Variants in CHRND observed in about 807,000 individuals in gnomAD.
CHRND encodes the protein acetylcholine receptor subunit delta.
Under a neutral mutation model 57.8 loss-of-function variants are expected in CHRND, and 40 were observed. The ratio of observed to expected loss-of-function variants is 0.69; its 90% CI spans 0.54 to 0.90. CHRND has a LOEUF of 0.90. Ranked by LOEUF, CHRND falls within the 40% of genes least tolerant of loss-of-function variation. The pLI, the probability that CHRND is intolerant of heterozygous loss-of-function variation, is 0.00. For missense variants in CHRND, 634 were observed against 673.9 expected (o/e 0.94, Z 0.66); for synonymous variants, 237 against 270.6 (o/e 0.88, Z 1.22).
At chr2:232,528,771 T>A in intron 5 of CHRND, 91 bp from the exon 6 acceptor site, 1 of 1,578,868 alleles carries the variant, frequency 6.3e-7, no homozygotes, top group Non-Finnish European at 8.7e-7. Flanking sequence ...AGTGCTGCCC[T>A]CCCCACAATG....
At position 232,535,169 on chromosome 2, in the gene CHRND, C is replaced by T. The variant is rs533115724; in HGVS notation, c.1411C>T (p.Arg471Cys). The change falls in exon 12 of 12, where the codon CGC (arginine) becomes TGC (cysteine). Residue 471 changes from arginine to cysteine, a missense_variant. Transcript: ENST00000258385. ...GAACCGAGTGGCCCGCACAGTGGACCGCCTCTGCCTGTTTGTGGTGACGCC... is the reference window on the plus strand; with the variant it reads ...GAACCGAGTGGCCCGCACAGTGGACTGCCTCTGCCTGTTTGTGGTGACGCC... Reference protein sequence around the residue: ...SWNRVARTVDRLCLFVVTPVM... With the variant: ...SWNRVARTVDCLCLFVVTPVM... 9.9e-5 allele frequency: 160 copies of T among 1,614,178 alleles called. 1 individual carries two copies. The South Asian group carries it at 1.2e-3, about 12-fold the overall frequency.
At chr2:232,534,879 A>C (rs543272051) in intron 11 of CHRND, among the ~76,000 whole-genome samples, 21 of 152,322 alleles carry the variant, frequency 1.4e-4, no homozygotes, top group African/African-American at 5.1e-4. Flanking sequence ...CTCTAGCCCC[A>C]GAGCCCTGTG....
intron 2 of CHRND, 47 bp downstream of exon 2, chr2:232,526,721 T>C: frequency 6.2e-7 from 1 of 1,601,382 alleles, no homozygotes; most frequent in Non-Finnish European, 8.5e-7. Flanking sequence ...CAGGGATGGC[T>C]TTCCAGTACC....
chr2:232,534,232 C>A lies in CHRND; in HGVS notation c.1261C>A (p.Pro421Thr), dbSNP rs1016592553. 6.2e-7 allele frequency: 1 copy of A among 1,614,072 alleles called. No individual in the cohort carries two copies. The highest frequency in any genetic ancestry group is 1.3e-5 in the African/African-American group (1 of 74,934). ...ARRLTTARRP[P>T]ASSEQAQQEL... ...TGGCCCCTCGTCTGTAGGCCGGCCCCCAGCAAGCTCTGAGCAGGCCCAGCA... is the reference window on the plus strand; with the variant it reads ...TGGCCCCTCGTCTGTAGGCCGGCCCACAGCAAGCTCTGAGCAGGCCCAGCA... The change falls in exon 11 of 12, where the codon CCA becomes ACA. Residue 421 changes from proline to threonine, a missense_variant. Coordinates refer to ENST00000258385, the MANE Select transcript of CHRND (RefSeq NM_000751.3).
rs778576881 is a variant in CHRND, at chr2:232,526,588, T to C, written c.112T>C (p.Tyr38His). ...LIRHLFQEKGYNKELRPVAHK... is the reference protein window; with the variant it reads ...LIRHLFQEKGHNKELRPVAHK... ...CCGGCACCTGTTTCAAGAGAAGGGCTACAACAAGGAGCTCCGGCCCGTGGC... is the reference window on the plus strand; with the variant it reads ...CCGGCACCTGTTTCAAGAGAAGGGCCACAACAAGGAGCTCCGGCCCGTGGC... Residue 38 changes from tyrosine (Y) to histidine (H), a missense_variant, in exon 2 of 12, where the codon TAC becomes CAC. By Grantham distance (83) the Tyr-to-His change is moderately conservative (BLOSUM62 2). Transcript: ENST00000258385. 1 of 1,613,784 alleles carries C rather than the reference T, an allele frequency of 6.2e-7. No individual in the cohort carries two copies. Among genetic ancestry groups the C allele is most frequent in the South Asian group, 1.1e-5 (1 of 91,080 alleles).
At chr2:232,533,494 A>C (rs1006584820) in intron 9 of CHRND, among the ~76,000 whole-genome samples, 1 of 152,180 alleles carries the variant, frequency 6.6e-6, no homozygotes, top group Non-Finnish European at 1.5e-5. Context: ...GAGATCGGGG[A>C]ATCAATGACA....
intron 7 of CHRND, 74 bp downstream of exon 7, chr2:232,530,213 C>G (rs1691637262): frequency 6.7e-7 from 1 of 1,498,938 alleles, no homozygotes. Flanking sequence ...AGCCCTGCCC[C>G]CTCACTTCCT....
intron 6 of CHRND, 127 bp from the exon 7 acceptor site, chr2:232,529,812 G>T: frequency 1.1e-6 from 1 of 924,330 alleles, no homozygotes; most frequent in South Asian, 1.6e-5. Context: ...CCACCAACGG[G>T]ACCCCGTAGA....
Position 232,535,630 on chromosome 2 carries a change from G to C in CHRND, c.*318G>C, listed in dbSNP as rs1289285547. 2 of 549,652 alleles carry C rather than the reference G, an allele frequency of 3.6e-6. No individual in the cohort carries two copies. The highest frequency in any genetic ancestry group is 6.9e-6 in the Non-Finnish European group (2 of 289,506). 34.0% of individuals were successfully genotyped at this position (549,652 alleles called of 1,614,324 possible). A position where few individuals can be genotyped will look rare whatever the true frequency, so the allele number is the denominator to read the frequency against. On this transcript the variant is annotated 3_prime_UTR_variant, in exon 12 of 12. Transcript: ENST00000258385. ...GGAGAGCTCTGATAGGGGTGAGACA[G>C]ATAGGGCCCCTTCTCTGCTTCTCCT...
Position 232,528,567 on chromosome 2 carries a change from C to T in CHRND, c.420C>T (p.Tyr140=), listed in dbSNP as rs1691568986. The change falls in exon 5 of 12, where the codon TAC becomes TAT. Residue 140 remains tyrosine (Y), a synonymous_variant. Coordinates refer to ENST00000258385, the MANE Select transcript of CHRND (RefSeq NM_000751.3). ...TTGTCTACCACTACGGCTTCGTGTACTGGCTGCCACCTGCCATCTTCCGCT... is the reference window on the plus strand; with the variant it reads ...TTGTCTACCACTACGGCTTCGTGTATTGGCTGCCACCTGCCATCTTCCGCT... ...NVLVYHYGFV[Y]WLPPAIFRSS... is the part of the protein sequence containing the mutation. 2 of 1,614,046 alleles carry T rather than the reference C, an allele frequency of 1.2e-6. No individual in the cohort carries two copies. The highest frequency in any genetic ancestry group is 1.7e-6 in the Non-Finnish European group (2 of 1,180,040).
At chr2:232,533,868 T>TC in intron 9 of CHRND, 63 bp from the exon 10 acceptor site, 1 of 1,517,094 alleles carries the variant, frequency 6.6e-7, no homozygotes, top group Non-Finnish European at 9.1e-7. Context: ...AGAATGAGAC[T>TC]CCGTCTCAAA....
chr2:232,526,510 T>G lies in CHRND; in HGVS notation c.53-19T>G. On this transcript the variant is annotated intron_variant, in intron 1 of 11. Transcript: ENST00000258385. ...CCTGCCCAGGGCCCCATTCAGTCCTTGTCGCTGACCCTCCCCAGGCAGCTG... is the reference window on the plus strand; with the variant it reads ...CCTGCCCAGGGCCCCATTCAGTCCTGGTCGCTGACCCTCCCCAGGCAGCTG... The G allele has an allele frequency of 6.2e-7, 1 of 1,613,416 alleles. No individual in the cohort carries two copies.
In CHRND at chr2:232,533,925, C is replaced by T. The variant is rs372755640; in HGVS notation, c.1048-6C>T. The T allele has an allele frequency of 6.2e-7, 1 of 1,611,894 alleles. No homozygotes were observed. The highest frequency in any genetic ancestry group is 2.0e-4 in the Middle Eastern group (1 of 4,982). On this transcript the variant is annotated splice_polypyrimidine_tract_variant and splice_region_variant and intron_variant, in intron 9 of 11. Transcript: ENST00000258385. ...CCTTTCTTGTGGCCCCTTGACATGG[C>T]CCCAGCTCTTCCTGGAGACCCTGCC...
chr2:232,532,919 G>C (rs1028872685), intron 9 of CHRND, among the ~76,000 whole-genome samples: 34 of 152,330 alleles, frequency 2.2e-4, no homozygotes, highest in African/African-American at 6.3e-4. Context: ...GAAGGAAGAA[G>C]GGGAGGACTG....
intron 2 of CHRND, 23 bp downstream of exon 2, chr2:232,526,697 G>T: frequency 1.9e-6 from 3 of 1,607,334 alleles, no homozygotes; most frequent in Non-Finnish European, 2.6e-6. Context: ...CCGGTGCTGG[G>T]TTGGGAGGGA....
chr2:232,535,506 G>A lies in CHRND; in HGVS notation c.*194G>A, dbSNP rs773306780. On this transcript the variant is annotated 3_prime_UTR_variant, in exon 12 of 12. Coordinates refer to ENST00000258385, the MANE Select transcript of CHRND (RefSeq NM_000751.3). ...ACAGGGGCCACCCGAGATGGTCTGA[G>A]GGTGGACATCGGCTACAGTGGGTGG... 63 of 773,316 alleles carry A rather than the reference G, an allele frequency of 8.1e-5. No individual in the cohort carries two copies. Among genetic ancestry groups the A allele is most frequent in the Non-Finnish European group, 1.2e-4 (53 of 453,710 alleles). The allele number at this position is 773,316 out of a possible 1,614,324, so 47.9% of individuals were successfully genotyped here.
Position 232,536,102 on chromosome 2 carries a change from G to A in CHRND, c.*790G>A, listed in dbSNP as rs764396439. 33 of 454,106 alleles carry A rather than the reference G, an allele frequency of 7.3e-5. No homozygotes were observed. Among genetic ancestry groups the A allele is most frequent in the South Asian group, 5.1e-4 (33 of 64,472 alleles). The allele number at this position is 454,106 out of a possible 1,614,324, so 28.1% of individuals were successfully genotyped here. On this transcript the variant is annotated 3_prime_UTR_variant, in exon 12 of 12. Transcript: ENST00000258385. ...CCCCTATTTTTATTTGCTAAATCTA[G>A]CAACCCTATCCCAAAGGCAGCCTCC...
rs1691815180 is a variant in CHRND, at chr2:232,534,348, G to A, written c.1371+6G>A. 1.9e-6 allele frequency: 3 copies of A among 1,612,914 alleles called. No homozygotes were observed. The highest frequency in any genetic ancestry group is 2.5e-6 in the Non-Finnish European group (3 of 1,178,904). ...ACCAGAACAATTACAATGAGGTAAG[G>A]GACCACAGGATTGCCATGTACAGGT... is the stretch of plus-strand genomic sequence containing the variant. On this transcript the variant is annotated splice_donor_region_variant and intron_variant, in intron 11 of 11. Transcript: ENST00000258385.
chr2:232,526,789 G>A, intron 2 of CHRND, 115 bp downstream of exon 2: 3 of 1,096,960 alleles, frequency 2.7e-6, no homozygotes, highest in Non-Finnish European at 4.1e-6. Flanking sequence ...CTCCCTTCCT[G>A]GGAAACGTGC....
Sources: gnomAD v4.1 joint callset for allele counts (sites outside exome capture counted in the v4.1 genomes callset) on GRCh38, gnomAD v4.1.1 for gene constraint, MANE v1.5 for transcripts, NCBI Gene and HGNC (gene_info 2026-07-23, HGNC 2026-07-21) for gene names.